Variants in YY1AP1 observed in about 807,000 individuals in gnomAD.
The protein encoded by YY1AP1 is YY1 associated protein 1.
Under a neutral mutation model 39.9 loss-of-function variants are expected in YY1AP1, and 43 were observed. That is an observed-to-expected ratio of 1.08 (90% CI 0.84 to 1.39). YY1AP1 has a LOEUF of 1.39. Ranked by LOEUF, YY1AP1 falls within the 40% of genes most tolerant of loss-of-function variation. The probability of loss-of-function intolerance (pLI) is 0.00; values close to 1 mark genes in which losing one functional copy is unlikely to be tolerated. For missense variants in YY1AP1, 813 were observed against 900.7 expected, an observed-to-expected ratio of 0.90 and a Z score of 1.25; for synonymous variants, 292 against 331.3, an observed-to-expected ratio of 0.88 and a Z score of 1.29.
rs775796839 is a variant in YY1AP1 at position 155,659,639 on chromosome 1, G to T, written c.*18C>A. 3.7e-6 allele frequency: 6 copies of T among 1,613,618 alleles called. No homozygotes were observed. In the Admixed American group the frequency reaches 1.0e-4, roughly 27 times the overall value. On this transcript the variant is annotated 3_prime_UTR_variant, in exon 11 of 11. Coordinates refer to ENST00000355499, the MANE Select transcript of YY1AP1 (RefSeq NM_139119.3). ...CCGAAGTGAAGGCTCCCAGTCTCCA[G>T]ACTCTTATTCTCCTAGCTCAAAGAA...
chr1:155,672,707 T>C lies in YY1AP1; in HGVS notation c.436A>G (p.Ser146Gly). The change falls in exon 7 of 11, where the codon AGC (serine) becomes GGC (glycine). Residue 146 changes from serine to glycine, a missense_variant. By Grantham distance (56) the Ser-to-Gly change is moderately conservative. This residue lies in a region of YY1AP1 where 196 missense variants were observed against 189.7 expected (regional missense o/e 1.03). Transcript: ENST00000355499. ...CLKELGTFAQ[S>G]SIALHHQYNP... ...TACTGATGGTGAAGGGCGATGGAGC[T>C]TTGAGCAAAGGTTCCCAGCTCTTTC... 1 of 1,614,152 alleles carries C rather than the reference T, an allele frequency of 6.2e-7. No individual in the cohort carries two copies. Among genetic ancestry groups the C allele is most frequent in the African/African-American group, 1.3e-5 (1 of 75,008 alleles).
At position 155,685,813 on chromosome 1, in the gene YY1AP1, C is replaced by T. The variant is rs559602216; in HGVS notation, c.-21+2258G>A. On this transcript the variant is annotated intron_variant, in intron 2 of 10. Coordinates refer to ENST00000355499, the MANE Select transcript of YY1AP1 (RefSeq NM_139119.3). ...ATCATATATATAAATCATGTGATTG[C>T]GCTTATGCTCATCTTCTAACTTGAG... 8.5e-5 allele frequency among the ~76,000 whole-genome samples: 13 copies of T among 152,160 alleles called. No individual in the cohort carries two copies. The East Asian group carries it at 9.6e-4, about 11-fold the overall frequency.
chr1:155,682,725 G>T (rs1651695936), intron 2 of YY1AP1, among the ~76,000 whole-genome samples: 1 of 152,130 alleles, frequency 6.6e-6, no homozygotes, highest in African/African-American at 2.4e-5. Flanking sequence ...CTATCCAATG[G>T]AATTCCTGGA....
intron 9 of YY1AP1, among the ~76,000 whole-genome samples, chr1:155,663,411 T>TA (rs1247068518): frequency 3.3e-5 from 5 of 149,398 alleles, no homozygotes; most frequent in African/African-American, 9.9e-5. Context: ...GAATAAGGTT[T>TA]ATCACGTGTG....
At chr1:155,677,021 G>A (rs1650795491) in intron 4 of YY1AP1, among the ~76,000 whole-genome samples, 1 of 152,094 alleles carries the variant, frequency 6.6e-6, no homozygotes, top group Admixed American at 6.5e-5. Flanking sequence ...CAAAAAACTA[G>A]GGACAGAGAA....
At position 155,688,769 on chromosome 1, in the gene YY1AP1, C is replaced by A; in HGVS notation, c.-262G>T. 3 of 1,533,668 alleles carry A rather than the reference C, an allele frequency of 2.0e-6. No homozygotes were observed. The highest frequency in any genetic ancestry group is 2.6e-6 in the Non-Finnish European group (3 of 1,143,504). On this transcript the variant is annotated 5_prime_UTR_variant, in exon 1 of 11. Transcript: ENST00000355499. ...AAAGCAGCCGCCGCCAGCACCCCCA[C>A]CCTACACTCCTCGCGCGTGCGCCTC...
intron 9 of YY1AP1, among the ~76,000 whole-genome samples, chr1:155,664,914 C>T (rs955569540): frequency 6.6e-6 from 1 of 151,552 alleles, no homozygotes; most frequent in Non-Finnish European, 1.5e-5. Context: ...GGACTACAGA[C>T]GCCCGCCACC....
chr1:155,664,126 A>G (rs901320119), intron 9 of YY1AP1, among the ~76,000 whole-genome samples: 3 of 143,654 alleles, frequency 2.1e-5, no homozygotes, highest in Non-Finnish European at 3.1e-5. Context: ...CCTGTCTCGG[A>G]AAAAAAAAAA....
chr1:155,681,836 T>C lies in YY1AP1; in HGVS notation c.-20-1380A>G, dbSNP rs531924016. 2.8e-5 allele frequency among the ~76,000 whole-genome samples: 4 copies of C among 144,874 alleles called. No individual in the cohort carries two copies. The East Asian group carries it at 8.5e-4, about 31-fold the overall frequency. ...GTAAGGATAAATTTAAAGTTCTACA[T>C]TGAGGATTTTTTTTTTTTTTTTTTT... On this transcript the variant is annotated intron_variant, in intron 2 of 10. Coordinates refer to ENST00000355499, the MANE Select transcript of YY1AP1 (RefSeq NM_139119.3).
intron 9 of YY1AP1, among the ~76,000 whole-genome samples, chr1:155,664,047 G>C (rs992902322): frequency 1.3e-5 from 2 of 150,358 alleles, no homozygotes; most frequent in Non-Finnish European, 3.0e-5. Flanking sequence ...GCATAGTGGT[G>C]CACACCGGGT....
intron 9 of YY1AP1, among the ~76,000 whole-genome samples, chr1:155,665,279 T>C (rs538284081): frequency 1.3e-4 from 20 of 150,246 alleles, no homozygotes; most frequent in Middle Eastern, 3.2e-3. Context: ...CAGAAAAAAA[T>C]TTTTTTTAAA....
chr1:155,663,048 C>T (rs994781982), intron 9 of YY1AP1, among the ~76,000 whole-genome samples: 5 of 151,098 alleles, frequency 3.3e-5, no homozygotes, highest in African/African-American at 4.9e-5. Flanking sequence ...AAGGTGTGCA[C>T]GAAAAATGAC....
chr1:155,674,929 T>C (rs1650418362), intron 6 of YY1AP1, 81 bp downstream of exon 6: 4 of 1,289,550 alleles, frequency 3.1e-6, no homozygotes, highest in Non-Finnish European at 4.4e-6. Flanking sequence ...CAAAAATACC[T>C]GAGAGAATAA....
chr1:155,684,157 A>C (rs348189), intron 2 of YY1AP1, among the ~76,000 whole-genome samples: 1 of 152,144 alleles, frequency 6.6e-6, no homozygotes, highest in African/African-American at 2.4e-5. Flanking sequence ...CTGAGGAAAG[A>C]GAATCACTTG....
intron 6 of YY1AP1, among the ~76,000 whole-genome samples, chr1:155,674,040 A>G (rs1055812402): frequency 1.3e-5 from 2 of 151,308 alleles, no homozygotes; most frequent in African/African-American, 4.8e-5. Context: ...GGGTGCCTGT[A>G]GTCCCAGCTA....
intron 9 of YY1AP1, among the ~76,000 whole-genome samples, chr1:155,667,935 CAG>C (rs1193629472): frequency 3.3e-5 from 5 of 150,108 alleles, no homozygotes; most frequent in Non-Finnish European, 5.9e-5. Context: ...TACATACATA[CAG>C]ACACAGACAC....
chr1:155,680,773 C>T (rs915442154), intron 2 of YY1AP1, among the ~76,000 whole-genome samples: 3 of 152,140 alleles, frequency 2.0e-5, no homozygotes, highest in Admixed American at 2.0e-4. Flanking sequence ...CCCCATGTTG[C>T]CCAAGCTGGT....
chr1:155,688,984 C>T (rs1217245969), upstream of YY1AP1: 1 of 1,605,986 alleles, frequency 6.2e-7, no homozygotes, highest in Non-Finnish European at 8.5e-7. Flanking sequence ...CATGGGACCG[C>T]GGCGAGGGGA....
chr1:155,688,570 C>G (rs1390022603), intron 1 of YY1AP1, 89 bp downstream of exon 1: 1 of 1,537,936 alleles, frequency 6.5e-7, no homozygotes, highest in South Asian at 1.2e-5. Flanking sequence ...CCATCCCGTA[C>G]GCGCTCACCC....
Sources: allele counts gnomAD v4.1 joint callset (sites outside exome capture counted in the v4.1 genomes callset), GRCh38; gene constraint gnomAD v4.1.1; regional missense constraint gnomAD v4.1.1; transcripts MANE v1.5; gene names NCBI Gene and HGNC (gene_info 2026-07-23, HGNC 2026-07-21).